The following DPP10 variants were observed in gnomAD, a reference collection of about 807,000 sequenced individuals.
DPP10 encodes dipeptidyl peptidase like 10.
Under a neutral mutation model 120.9 loss-of-function variants are expected in DPP10, and 33 were observed. The ratio of observed to expected loss-of-function variants is 0.27; its 90% CI spans 0.21 to 0.37. The LOEUF is 0.37. Ranked by LOEUF, DPP10 falls within the 10% of genes least tolerant of loss-of-function variation. DPP10 has a pLI of 1.00. For synonymous variants in DPP10, 337 were observed against 326.1 expected, an observed-to-expected ratio of 1.03 and a Z score of -0.36; for missense variants, 816 against 942.8, an observed-to-expected ratio of 0.87 and a Z score of 1.76.
intron 1 of DPP10, among the ~76,000 whole-genome samples, chr2:115,003,103 G>C (rs1701554783): frequency 6.7e-6 from 1 of 149,832 alleles, no homozygotes; most frequent in African/African-American, 2.5e-5. Flanking sequence ...AAAGACATGA[G>C]CTCAACCTAG....
chr2:115,095,589 T>G (rs199840357), intron 1 of DPP10, among the ~76,000 whole-genome samples: 3 of 149,472 alleles, frequency 2.0e-5, no homozygotes, highest in African/African-American at 7.4e-5. Context: ...TTTTTTGTTT[T>G]TTTTTTTTGA....
chr2:115,732,268 A>G (rs2092928786), intron 8 of DPP10, among the ~76,000 whole-genome samples: 1 of 152,172 alleles, frequency 6.6e-6, no homozygotes, highest in Admixed American at 6.5e-5. Context: ...AAAGACAATA[A>G]AATATTTTTA....
At chr2:114,467,329 C>T (rs1012560065) in intron 1 of DPP10, among the ~76,000 whole-genome samples, 2 of 152,300 alleles carry the variant, frequency 1.3e-5, no homozygotes, top group South Asian at 2.1e-4. Context: ...CTTCTAGACG[C>T]TTAAGAAGAC....
At chr2:114,544,487 C>A (rs1687210729) in intron 1 of DPP10, among the ~76,000 whole-genome samples, 1 of 152,088 alleles carries the variant, frequency 6.6e-6, no homozygotes, top group Non-Finnish European at 1.5e-5. Flanking sequence ...AAACACTTGG[C>A]TAAGGATGCT....
chr2:114,779,124 T>G (rs1371753766), intron 1 of DPP10, among the ~76,000 whole-genome samples: 1 of 152,072 alleles, frequency 6.6e-6, no homozygotes, highest in Non-Finnish European at 1.5e-5. Context: ...AGAGTTCCTC[T>G]GCTGCAGTCA....
At chr2:114,856,316 A>G (rs939741595) in intron 1 of DPP10, among the ~76,000 whole-genome samples, 1 of 152,156 alleles carries the variant, frequency 6.6e-6, no homozygotes, top group Non-Finnish European at 1.5e-5. Flanking sequence ...AGAAATGTAA[A>G]TGGAAAAAAA....
At chr2:114,530,768 T>C (rs1220281646) in intron 1 of DPP10, among the ~76,000 whole-genome samples, 2 of 152,182 alleles carry the variant, frequency 1.3e-5, no homozygotes, top group East Asian at 3.8e-4. Flanking sequence ...ATAATTACAG[T>C]ATTAATTCTT....
chr2:115,582,968 ATTATC>A (rs2082083956), intron 5 of DPP10, among the ~76,000 whole-genome samples: 1 of 152,204 alleles, frequency 6.6e-6, no homozygotes, highest in African/African-American at 2.4e-5. Flanking sequence ...CTATAATTAA[ATTATC>A]TTATCATCTT....
At chr2:115,123,493 A>G (rs2049925587) in intron 1 of DPP10, among the ~76,000 whole-genome samples, 1 of 152,146 alleles carries the variant, frequency 6.6e-6, no homozygotes, top group Non-Finnish European at 1.5e-5. Flanking sequence ...TCCCTTATCA[A>G]TCAACTGTTC....
chr2:115,170,675 A>G (rs1290616733), intron 1 of DPP10, among the ~76,000 whole-genome samples: 3 of 152,160 alleles, frequency 2.0e-5, no homozygotes, highest in African/African-American at 7.2e-5. Flanking sequence ...CAAACCCAAC[A>G]TCTTCATCAG....
chr2:115,777,652 A>G (rs1682275043), intron 14 of DPP10, 135 bp from the exon 15 acceptor site: 1 of 944,228 alleles, frequency 1.1e-6, no homozygotes, highest in African/African-American at 1.7e-5. Flanking sequence ...TAAAAATTCA[A>G]GTGAAGATTT....
Position 114,679,304 on chromosome 2 carries a change from A to C in DPP10, c.60+236466A>C, listed in dbSNP as rs537984824. Among the ~76,000 whole-genome samples the C allele has an allele frequency of 6.6e-5, 10 of 152,184 alleles. No homozygotes were observed. In the South Asian group the frequency reaches 2.1e-3, roughly 32 times the overall value. On this transcript the variant is annotated intron_variant, in intron 1 of 25. Coordinates refer to ENST00000410059, the MANE Select transcript of DPP10 (RefSeq NM_020868.6). ...GCAGAGAGTACTTCCAGAAAGAATG[A>C]TAATTTAGTGTGTGTAAAATCATTT...
chr2:115,572,594 G>A (rs1298030288), intron 5 of DPP10, among the ~76,000 whole-genome samples: 1 of 152,134 alleles, frequency 6.6e-6, no homozygotes, highest in Non-Finnish European at 1.5e-5. Context: ...GCACAAGCAT[G>A]AGATTCTTAA....
At chr2:114,935,575 C>A (rs969377209) in intron 1 of DPP10, among the ~76,000 whole-genome samples, 2 of 152,118 alleles carry the variant, frequency 1.3e-5, no homozygotes, top group Non-Finnish European at 2.9e-5. Context: ...ATCATTTTCT[C>A]ATAGGAACTA....
intron 1 of DPP10, among the ~76,000 whole-genome samples, chr2:115,061,171 A>C (rs1319452022): frequency 6.6e-6 from 1 of 152,242 alleles, no homozygotes; most frequent in African/African-American, 2.4e-5. Context: ...ATTTCATCCC[A>C]TGGAAAATAA....
chr2:115,725,198 C>T (rs1215662419), intron 7 of DPP10, among the ~76,000 whole-genome samples: 1 of 152,122 alleles, frequency 6.6e-6, no homozygotes, highest in Admixed American at 6.5e-5. Flanking sequence ...AAATGCAGCC[C>T]TTGATCATTG....
chr2:114,767,455 T>C (rs549310169), intron 1 of DPP10, among the ~76,000 whole-genome samples: 1 of 152,022 alleles, frequency 6.6e-6, no homozygotes, highest in African/African-American at 2.4e-5. Context: ...TGATGAATGA[T>C]ATGAATCCAC....
intron 1 of DPP10, among the ~76,000 whole-genome samples, chr2:115,020,013 G>A (rs999195532): frequency 6.6e-6 from 1 of 152,006 alleles, no homozygotes; most frequent in African/African-American, 2.4e-5. Flanking sequence ...CTGCCAAAAG[G>A]AGCATGAAAT....
intron 1 of DPP10, among the ~76,000 whole-genome samples, chr2:115,053,823 T>G (rs1705693061): frequency 6.6e-6 from 1 of 152,148 alleles, no homozygotes; most frequent in South Asian, 2.1e-4. Flanking sequence ...ATTTGTAGAG[T>G]CTAGTACAGT....
Sources: gnomAD v4.1 joint callset for allele counts (sites outside exome capture counted in the v4.1 genomes callset) on GRCh38, gnomAD v4.1.1 for gene constraint, MANE v1.5 for transcripts, NCBI Gene and HGNC (gene_info 2026-07-23, HGNC 2026-07-21) for gene names.